The following TAF5L variants were observed in gnomAD, a reference collection of about 807,000 sequenced individuals.
The protein encoded by TAF5L is TATA-box binding protein associated factor 5 like, also known as TAF5-like RNA polymerase II p300/CBP-associated factor-associated factor 65 kDa subunit 5L.
Under a neutral mutation model 51.3 loss-of-function variants are expected in TAF5L, and 7 were observed. The ratio of observed to expected loss-of-function variants is 0.14; its 90% CI spans 0.08 to 0.26. The LOEUF is 0.26. Ranked by LOEUF, TAF5L falls within the 10% of genes least tolerant of loss-of-function variation. TAF5L has a pLI of 1.00. For synonymous variants in TAF5L, 291 were observed against 308.1 expected, an observed-to-expected ratio of 0.94 and a Z score of 0.58; for missense variants, 575 against 758.9, an observed-to-expected ratio of 0.76 and a Z score of 2.85.
intron 4 of TAF5L, chr1:229,600,047 TA>T (rs1664311838): frequency 1.0e-6 from 1 of 979,514 alleles, no homozygotes. Context: ...GTCTCTATTT[TA>T]TTTTTTTTAA....
In TAF5L at chr1:229,601,158, GAATCAAA is replaced by G. The variant is rs764341250; in HGVS notation, c.972+1030_972+1036del. ...TTCAATTATACTGTCTCGGTTGCAAGAATCAAAAATTCAAAGGCCATCCTAACTGGAA... is the reference window on the plus strand; with the variant it reads ...TTCAATTATACTGTCTCGGTTGCAAGAATTCAAAGGCCATCCTAACTGGAA... On this transcript the variant is annotated intron_variant, in intron 4 of 4. Coordinates refer to ENST00000258281, the Ensembl canonical transcript of TAF5L. 3 of 985,110 alleles carry G rather than the reference GAATCAAA, an allele frequency of 3.0e-6. No homozygotes were observed. The Admixed American group carries it at 1.8e-4, about 61-fold the overall frequency. 61.0% of individuals were successfully genotyped at this position (985,110 alleles called of 1,614,324 possible).
At position 229,602,824 on chromosome 1, in the gene TAF5L, T is replaced by A. The variant is rs771177322; in HGVS notation, c.343A>T (p.Thr115Ser). ...AAGCGGCTGTAAAAACTTTCCACTGTGCTCTTCGGACTGTTTTGGACCAGG... is the reference window on the plus strand; with the variant it reads ...AAGCGGCTGTAAAAACTTTCCACTGAGCTCTTCGGACTGTTTTGGACCAGG... Residue 115 changes from threonine (T) to serine (S), a missense_variant, in exon 4 of 5, where the codon ACA (threonine) becomes TCA (serine). Physicochemically the swap from Thr to Ser is moderately conservative, Grantham distance 58. This residue lies in a region of TAF5L where 380 missense variants were observed against 443.7 expected (regional missense o/e 0.86). Transcript: ENST00000258281. This position sits in a 1 kb window ranked among gnomAD's most constrained non-coding sequence, Gnocchi z 4.6. 6.2e-7 allele frequency: 1 copy of A among 1,613,420 alleles called. No individual in the cohort carries two copies. Among genetic ancestry groups the A allele is most frequent in the East Asian group, 2.2e-5 (1 of 44,886 alleles).
chr1:229,602,230 G>A lies in TAF5L; in HGVS notation c.937C>T (p.Arg313Cys), dbSNP rs143900321. Reference sequence around the variant, plus strand: ...AGAATATCACAAGCCAAATGGATGCGGGACACGTCTACTTGGTGGGGCTCT... The same window carrying A: ...AGAATATCACAAGCCAAATGGATGCAGGACACGTCTACTTGGTGGGGCTCT... The change falls in exon 4 of 5, where the codon CGC becomes TGC. Residue 313 changes from arginine (R) to cysteine (C), a missense_variant. Coordinates refer to ENST00000258281, the Ensembl canonical transcript of TAF5L. The surrounding 1 kb of genome is among the most constrained non-coding windows in gnomAD (Gnocchi z 4.6). 6.4e-5 allele frequency: 103 copies of A among 1,613,892 alleles called. No homozygotes were observed. Among genetic ancestry groups the A allele is most frequent in the Admixed American group, 6.7e-5 (4 of 59,982 alleles).
chr1:229,614,336 A>C lies in TAF5L; in HGVS notation c.142+5T>G. 1 of 1,614,142 alleles carries C rather than the reference A, an allele frequency of 6.2e-7. No individual in the cohort carries two copies. Among genetic ancestry groups the C allele is most frequent in the South Asian group, 1.1e-5 (1 of 91,082 alleles). On this transcript the variant is annotated splice_donor_5th_base_variant and intron_variant, in intron 2 of 4. Coordinates refer to ENST00000258281, the Ensembl canonical transcript of TAF5L. ...TCACCCCACCAGACGAGCCCCCACC[A>C]TTACCTGTTAGATTGGCCGCCATCT...
intron 1 of TAF5L, among the ~76,000 whole-genome samples, chr1:229,622,264 T>A (rs1304941119): frequency 6.6e-6 from 1 of 152,158 alleles, no homozygotes; most frequent in Non-Finnish European, 1.5e-5. Context: ...TAGCACCAGC[T>A]GAGGTTGCTC....
At chr1:229,619,483 G>A (rs181469861) in intron 1 of TAF5L, among the ~76,000 whole-genome samples, 10 of 152,130 alleles carry the variant, frequency 6.6e-5, no homozygotes, top group African/African-American at 2.2e-4. Flanking sequence ...TGGCAGCAGT[G>A]GTAGAAAGTA....
chr1:229,614,171 A>T, intron 2 of TAF5L, 170 bp downstream of exon 2: 1 of 1,051,606 alleles, frequency 9.5e-7, no homozygotes, highest in Non-Finnish European at 1.4e-6. Flanking sequence ...TCTAAATGAC[A>T]GACAGGGTCT....
chr1:229,599,630 G>A (rs1451900549), intron 4 of TAF5L: 1 of 200,976 alleles, frequency 5.0e-6, no homozygotes, highest in Admixed American at 6.5e-5. Context: ...TCTTTTTATG[G>A]GCAAATAATA....
At chr1:229,599,072 GAA>G (rs1664262245) in intron 4 of TAF5L, 1 of 159,336 alleles carries the variant, frequency 6.3e-6, no homozygotes. Flanking sequence ...CTCAGTGTCT[GAA>G]ACAGGAGGAG....
At chr1:229,614,289 CG>C (rs1558152401) in intron 2 of TAF5L, 51 bp downstream of exon 2, 2 of 1,613,900 alleles carry the variant, frequency 1.2e-6, no homozygotes, top group Non-Finnish European at 1.7e-6. Context: ...TGGATATTGA[CG>C]TGAGTTCTCC....
At chr1:229,612,590 C>A (rs549366777) in intron 2 of TAF5L, among the ~76,000 whole-genome samples, 2 of 152,282 alleles carry the variant, frequency 1.3e-5, no homozygotes, top group South Asian at 4.1e-4. Context: ...TGGGTGGATC[C>A]AACCCTGAAA....
chr1:229,600,557 C>T, intron 4 of TAF5L: 1 of 985,534 alleles, frequency 1.0e-6, no homozygotes, highest in Non-Finnish European at 1.2e-6. Flanking sequence ...CCATCCATGT[C>T]TCCTTTGCCA....
At position 229,594,132 on chromosome 1, in the gene TAF5L, C is replaced by T. The variant is rs1195028724; in HGVS notation, c.*165G>A. 1.0e-5 allele frequency: 8 copies of T among 773,940 alleles called. No individual in the cohort carries two copies. Among genetic ancestry groups the T allele is most frequent in the African/African-American group, 3.5e-5 (2 of 56,732 alleles). The allele number at this position is 773,940 out of a possible 1,614,324, so 47.9% of individuals were successfully genotyped here. The stretch of plus-strand genomic sequence containing the variant: ...TGTTCCCCTCCCCAACCTTGGCCTT[C>T]GACACTGGGGGGCTGAGTGAAGGGG... On this transcript the variant is annotated 3_prime_UTR_variant, in exon 5 of 5. Transcript: ENST00000258281. This position sits in a 1 kb window ranked among gnomAD's most constrained non-coding sequence, Gnocchi z 7.9.
intron 4 of TAF5L, among the ~76,000 whole-genome samples, chr1:229,595,336 A>C (rs1664081406): frequency 6.6e-6 from 1 of 152,240 alleles, no homozygotes; most frequent in Non-Finnish European, 1.5e-5. Context: ...TGCAGCTCAG[A>C]CTATATCAGA....
Position 229,625,820 on chromosome 1 carries a change from C to G in TAF5L, c.-4+65G>C, listed in dbSNP as rs1346122363. The G allele has an allele frequency of 2.9e-5, 4 of 138,872 alleles. No homozygotes were observed. The highest frequency in any genetic ancestry group is 6.4e-5 in the Non-Finnish European group (4 of 62,828). 8.6% of individuals were successfully genotyped at this position (138,872 alleles called of 1,614,324 possible). On this transcript the variant is annotated intron_variant, in intron 1 of 4. Coordinates refer to ENST00000258281, the Ensembl canonical transcript of TAF5L. This position sits in a 1 kb window ranked among gnomAD's most constrained non-coding sequence, Gnocchi z 4.0. ...GAGGCCCCACCGCCCCGGCCCCCGC[C>G]CGCCCGCGCGCGCGCGCGCCTCGCG...
chr1:229,601,239 C>T (rs920974859), intron 4 of TAF5L: 4 of 985,184 alleles, frequency 4.1e-6, no homozygotes, highest in Middle Eastern at 5.2e-4. Context: ...ATTTAGGGCA[C>T]CCAATATTCT....
At chr1:229,603,955 T>TA (rs985018152) in intron 3 of TAF5L, among the ~76,000 whole-genome samples, 1 of 152,232 alleles carries the variant, frequency 6.6e-6, no homozygotes, top group Admixed American at 6.5e-5. Flanking sequence ...CTGCTTGCAG[T>TA]AGCAAGGTAG....
intron 4 of TAF5L, among the ~76,000 whole-genome samples, chr1:229,598,151 T>C (rs1664199031): frequency 6.6e-6 from 1 of 152,220 alleles, no homozygotes; most frequent in Admixed American, 6.5e-5. Context: ...TGACATGTGC[T>C]GTTCATGTAA....
At chr1:229,596,797 G>C (rs1558143449) in intron 4 of TAF5L, among the ~76,000 whole-genome samples, 1 of 152,232 alleles carries the variant, frequency 6.6e-6, no homozygotes, top group Non-Finnish European at 1.5e-5. Flanking sequence ...AAAGGAGTAT[G>C]ATGAAGATCC....
Sources: gnomAD v4.1 joint callset for allele counts (sites outside exome capture counted in the v4.1 genomes callset) on GRCh38, gnomAD v4.1.1 for gene constraint, gnomAD v4.1.1 regional missense constraint, Gnocchi (gnomAD v3.1) non-coding constraint, MANE v1.5 for transcripts, NCBI Gene and HGNC (gene_info 2026-07-23, HGNC 2026-07-21) for gene names.